The following SH2D4A variants were observed in gnomAD, a reference collection of about 807,000 sequenced individuals.
SH2D4A encodes the protein SH2 domain-containing protein 4A.
A neutral mutation model predicts 64.7 loss-of-function variants in SH2D4A; 70 were observed. That is an observed-to-expected ratio of 1.08 (90% CI 0.89 to 1.32). The LOEUF (loss-of-function observed/expected upper bound fraction) is 1.32. Among genes scored for constraint, SH2D4A ranks in the 40% most tolerant of loss-of-function variants. The probability of loss-of-function intolerance (pLI) is 0.00; values close to 1 mark genes in which losing one functional copy is unlikely to be tolerated. For synonymous variants in SH2D4A, 268 were observed against 200.7 expected (o/e 1.34, Z -2.83); for missense variants, 706 against 540.1 (o/e 1.31, Z -3.04).
intron 2 of SH2D4A, among the ~76,000 whole-genome samples, chr8:19,331,544 A>T (rs2052365410): frequency 6.6e-6 from 1 of 152,168 alleles, no homozygotes; most frequent in Non-Finnish European, 1.5e-5. Context: ...ACTAGGATAT[A>T]ATCTAACCTG....
intron 5 of SH2D4A, 137 bp downstream of exon 5, chr8:19,357,420 C>G: frequency 1.4e-6 from 1 of 690,134 alleles, no homozygotes; most frequent in Admixed American, 2.5e-5. Flanking sequence ...AAGCTGCAAA[C>G]ACAGTTCTGC....
At chr8:19,346,640 T>A (rs1234618080) in intron 4 of SH2D4A, among the ~76,000 whole-genome samples, 1 of 152,178 alleles carries the variant, frequency 6.6e-6, no homozygotes, top group Non-Finnish European at 1.5e-5. Context: ...ACAAAATCAG[T>A]CGCCGATGCC....
intron 4 of SH2D4A, among the ~76,000 whole-genome samples, chr8:19,343,223 G>A (rs532936523): frequency 3.3e-5 from 5 of 152,128 alleles, no homozygotes; most frequent in Admixed American, 6.5e-5. Flanking sequence ...CCAAGATTTC[G>A]AGACCAGCCC....
chr8:19,340,827 G>A (rs1458210647), intron 4 of SH2D4A, among the ~76,000 whole-genome samples: 4 of 151,830 alleles, frequency 2.6e-5, no homozygotes, highest in African/African-American at 9.7e-5. Context: ...TGAACTCCTG[G>A]GCTCGAGTGA....
rs754787571 is a variant in SH2D4A at position 19,319,579 on chromosome 8, T to C, written c.32T>C (p.Ile11Thr). Reference sequence around the variant, plus strand: ...AAACAGATACTGTCGGAGATGTACATAGATCCTGATCTACTGGCAGAGCTC... The same window carrying C: ...AAACAGATACTGTCGGAGATGTACACAGATCCTGATCTACTGGCAGAGCTC... Reference protein sequence around the residue: MLKQILSEMYIDPDLLAELSE... With the variant: MLKQILSEMYTDPDLLAELSE... The change falls in exon 2 of 10, where the codon ATA becomes ACA. Residue 11 changes from isoleucine to threonine, a missense_variant. Transcript: ENST00000265807. 1.3e-5 allele frequency: 20 copies of C among 1,595,756 alleles called. No individual in the cohort carries two copies. Among genetic ancestry groups the C allele is most frequent in the Non-Finnish European group, 1.7e-5 (20 of 1,173,284 alleles).
intron 4 of SH2D4A, among the ~76,000 whole-genome samples, chr8:19,345,289 G>C (rs1563194035): frequency 6.6e-6 from 1 of 152,194 alleles, no homozygotes; most frequent in Non-Finnish European, 1.5e-5. Flanking sequence ...GATGGACTCT[G>C]TTTGCTGAGG....
At chr8:19,371,459 T>C (rs533214759) in intron 7 of SH2D4A, among the ~76,000 whole-genome samples, 88 of 152,252 alleles carry the variant, frequency 5.8e-4, no homozygotes, top group African/African-American at 1.9e-3. Context: ...CTGTCTTACA[T>C]GTTATTTGCT....
At chr8:19,383,756 A>G (rs1227690508) in intron 8 of SH2D4A, among the ~76,000 whole-genome samples, 2 of 151,900 alleles carry the variant, frequency 1.3e-5, no homozygotes, top group Admixed American at 1.3e-4. Context: ...AATAGTCATA[A>G]TTTTCCGCAT....
chr8:19,351,477 C>T (rs2052703841), intron 4 of SH2D4A, among the ~76,000 whole-genome samples: 1 of 152,040 alleles, frequency 6.6e-6, no homozygotes, highest in Non-Finnish European at 1.5e-5. Flanking sequence ...CTGGCAGGCG[C>T]CTGTAGTCCC....
chr8:19,371,334 G>T (rs2053091613), intron 7 of SH2D4A, among the ~76,000 whole-genome samples: 1 of 151,948 alleles, frequency 6.6e-6, no homozygotes, highest in Admixed American at 6.5e-5. Context: ...ATACTTTGCT[G>T]TGTGCAGTAT....
chr8:19,314,048 TCCGGTGTC>T, intron 1 of SH2D4A: 2 of 1,114,442 alleles, frequency 1.8e-6, no homozygotes, highest in Non-Finnish European at 2.2e-6. Context: ...GTGTCCGGTG[TCCGGTGTC>T]CGGTGTCTGG....
chr8:19,389,466 T>G (rs1282165464), intron 8 of SH2D4A, among the ~76,000 whole-genome samples: 2 of 151,884 alleles, frequency 1.3e-5, no homozygotes, highest in African/African-American at 4.8e-5. Flanking sequence ...CAGAGAGGAG[T>G]GGGACCTCCT....
intron 7 of SH2D4A, among the ~76,000 whole-genome samples, chr8:19,364,597 C>T (rs537830585): frequency 1.1e-3 from 167 of 152,144 alleles, no homozygotes; most frequent in South Asian, 3.5e-3. Context: ...CCCCCTCCCC[C>T]CCAGAGGCAG....
At chr8:19,331,225 G>C (rs3808644) in intron 2 of SH2D4A, among the ~76,000 whole-genome samples, 45,343 of 151,926 alleles carry the variant, frequency 0.3, 9,333 homozygotes, top group African/African-American at 0.59. Context: ...CAAAAGTCAA[G>C]AATACGTTGG....
At chr8:19,333,889 C>T (rs1236054400) in intron 3 of SH2D4A, among the ~76,000 whole-genome samples, 11 of 152,252 alleles carry the variant, frequency 7.2e-5, no homozygotes, top group East Asian at 1.9e-4. Flanking sequence ...GACTTGACTA[C>T]GGATGGTTCT....
intron 7 of SH2D4A, 82 bp downstream of exon 7, chr8:19,364,364 G>A (rs2052951754): frequency 6.7e-7 from 1 of 1,488,896 alleles, no homozygotes; most frequent in South Asian, 1.2e-5. Flanking sequence ...GGAATTGTAT[G>A]AGCTGCCATG....
At chr8:19,368,771 C>T (rs1307156278) in intron 7 of SH2D4A, among the ~76,000 whole-genome samples, 1 of 152,018 alleles carries the variant, frequency 6.6e-6, no homozygotes, top group East Asian at 1.9e-4. Flanking sequence ...AAGATCAGGT[C>T]ATCTGCAAAC....
Position 19,356,596 on chromosome 8 carries a change from A to G in SH2D4A, c.514-607A>G, listed in dbSNP as rs76534203. ...AGAGGGTTGGCCTGCGGCAGGCAGG[A>G]ATGACACCAGGGACTTTAGGCAATG... On this transcript the variant is annotated intron_variant, in intron 4 of 9. Coordinates refer to ENST00000265807, the MANE Select transcript of SH2D4A (RefSeq NM_022071.4). Among the ~76,000 whole-genome samples, 824 of 152,282 alleles carry G rather than the reference A, an allele frequency of 5.4e-3. 9 individuals are homozygous for G. The highest frequency in any genetic ancestry group is 0.019 in the African/African-American group (781 of 41,568).
chr8:19,393,365 A>T lies in SH2D4A; in HGVS notation c.1096A>T (p.Met366Leu). The T allele has an allele frequency of 6.2e-7, 1 of 1,614,100 alleles. No individual in the cohort carries two copies. Among genetic ancestry groups the T allele is most frequent in the Non-Finnish European group, 8.5e-7 (1 of 1,179,926 alleles). The change falls in exon 9 of 10, where the codon ATG becomes TTG. Residue 366 changes from methionine to leucine, a missense_variant. Physicochemically the swap from Met to Leu is conservative, Grantham distance 15 (BLOSUM62 2). Coordinates refer to ENST00000265807, the MANE Select transcript of SH2D4A (RefSeq NM_022071.4). ...KANELLLSTG[M>L]PGSFLIRVSE... ...AAATGAACTTCTTCTGAGCACAGGC[A>T]TGCCCGGCAGTTTTCTCATCCGAGT... is the stretch of plus-strand genomic sequence containing the variant.
Sources: allele counts gnomAD v4.1 joint callset (sites outside exome capture counted in the v4.1 genomes callset), GRCh38; gene constraint gnomAD v4.1.1; transcripts MANE v1.5; gene names NCBI Gene and HGNC (gene_info 2026-07-23, HGNC 2026-07-21).